TNIK: variants seen among roughly 807,000 people sequenced by gnomAD.
TNIK encodes the protein TRAF2 and NCK interacting kinase, also known as TRAF2 and NCK-interacting protein kinase.
A neutral mutation model predicts 191.3 loss-of-function variants in TNIK; 49 were observed. The ratio of observed to expected loss-of-function variants is 0.26; its 90% CI spans 0.20 to 0.32. TNIK has a LOEUF of 0.32. Among genes scored for constraint, TNIK ranks in the 10% least tolerant of loss-of-function variants. TNIK has a pLI of 1.00. For missense variants in TNIK, 1,155 were observed against 1,702.3 expected, an observed-to-expected ratio of 0.68 and a Z score of 5.66; for synonymous variants, 594 against 600.9, an observed-to-expected ratio of 0.99 and a Z score of 0.17.
At chr3:171,173,321 G>A (rs1212831531) in intron 9 of TNIK, among the ~76,000 whole-genome samples, 5 of 151,496 alleles carry the variant, frequency 3.3e-5, no homozygotes, top group African/African-American at 4.8e-5. Context: ...GCGTGAACCC[G>A]GGAGGCAGAG....
intron 17 of TNIK, 134 bp downstream of exon 17, chr3:171,125,778 G>A: frequency 2.2e-6 from 3 of 1,345,674 alleles, no homozygotes; most frequent in Non-Finnish European, 3.0e-6. Context: ...AATGAAGAGG[G>A]ACCAAAACAA....
chr3:171,221,241 A>T lies in TNIK; in HGVS notation c.180+6924T>A, dbSNP rs564237615. ...TCAGACTGTTCTGTCTGCTAAAGACATCTACATAAATGGCTCCAAAGTAAA... is the reference window on the plus strand; with the variant it reads ...TCAGACTGTTCTGTCTGCTAAAGACTTCTACATAAATGGCTCCAAAGTAAA... On this transcript the variant is annotated intron_variant, in intron 3 of 32. Coordinates refer to ENST00000436636, the MANE Select transcript of TNIK (RefSeq NM_015028.4). 1.1e-3 allele frequency among the ~76,000 whole-genome samples: 168 copies of T among 152,208 alleles called. 2 individuals carry two copies. Among genetic ancestry groups the T allele is most frequent in the Non-Finnish European group, 1.9e-3 (132 of 68,034 alleles).
At chr3:171,370,414 A>T (rs1157889321) in intron 1 of TNIK, among the ~76,000 whole-genome samples, 1 of 152,216 alleles carries the variant, frequency 6.6e-6, no homozygotes, top group Non-Finnish European at 1.5e-5. Flanking sequence ...CGTTCAATAA[A>T]TATCCAAAAT....
intron 1 of TNIK, among the ~76,000 whole-genome samples, chr3:171,387,552 C>G (rs910771799): frequency 6.6e-6 from 1 of 152,112 alleles, no homozygotes; most frequent in African/African-American, 2.4e-5. Flanking sequence ...TCACTATACT[C>G]AAATGCTTTT....
intron 12 of TNIK, among the ~76,000 whole-genome samples, chr3:171,151,376 A>G (rs1278703292): frequency 6.6e-6 from 1 of 152,268 alleles, no homozygotes; most frequent in Non-Finnish European, 1.5e-5. Flanking sequence ...AATAAATCCA[A>G]AAAGGTTTTA....
chr3:171,459,926 G>GCCCCCCC, intron 1 of TNIK, 81 bp downstream of exon 1: 1 of 590,416 alleles, frequency 1.7e-6, no homozygotes, highest in Non-Finnish European at 3.1e-6. Flanking sequence ...CCCTGCCCCA[G>GCCCCCCC]CCCCAGCCCC....
At chr3:171,390,905 G>A (rs1719419415) in intron 1 of TNIK, among the ~76,000 whole-genome samples, 1 of 152,158 alleles carries the variant, frequency 6.6e-6, no homozygotes, top group Admixed American at 6.6e-5. Context: ...TTATAGGAAA[G>A]GGAGCCCAAA....
At chr3:171,208,716 C>A (rs1470699481) in intron 4 of TNIK, among the ~76,000 whole-genome samples, 4 of 152,032 alleles carry the variant, frequency 2.6e-5, no homozygotes, top group African/African-American at 9.7e-5. Context: ...CACCACCATG[C>A]CCACCTAATT....
intron 3 of TNIK, among the ~76,000 whole-genome samples, chr3:171,214,496 C>T (rs972866571): frequency 6.6e-6 from 1 of 152,234 alleles, no homozygotes; most frequent in Non-Finnish European, 1.5e-5. Flanking sequence ...TAAAGGATCA[C>T]AGGCTACGAG....
intron 2 of TNIK, among the ~76,000 whole-genome samples, chr3:171,309,514 T>C (rs1479860718): frequency 1.3e-5 from 2 of 152,106 alleles, no homozygotes; most frequent in African/African-American, 4.8e-5. Flanking sequence ...ATGCAATTTA[T>C]CTGTAGAACA....
chr3:171,225,579 A>G, intron 3 of TNIK: 1 of 456,600 alleles, frequency 2.2e-6, no homozygotes, highest in Non-Finnish European at 4.4e-6. Context: ...CTCTCAAATC[A>G]TCTTCTGTAG....
At position 171,085,191 on chromosome 3, in the gene TNIK, G is replaced by A; in HGVS notation, c.2925C>T (p.Pro975=). 1 of 1,611,628 alleles carries A rather than the reference G, an allele frequency of 6.2e-7. No homozygotes were observed. The highest frequency in any genetic ancestry group is 8.5e-7 in the Non-Finnish European group (1 of 1,178,876). The change falls in exon 25 of 33, where the codon CCC becomes CCT. Residue 975 remains proline (P), a synonymous_variant. Transcript: ENST00000436636. ...MGSSTKASFT[P]FVDPRVYQTS... ...TCTGGTATACTCTGGGGTCCACAAA[G>A]GGGGTGAAGGAGGCTTTGGTGCTGC...
intron 26 of TNIK, among the ~76,000 whole-genome samples, chr3:171,083,140 A>AAC (rs139764675): frequency 6.6e-6 from 1 of 151,986 alleles, no homozygotes; most frequent in Non-Finnish European, 1.5e-5. Context: ...TCCACCCCTC[A>AAC]ACACACACAC....
intron 2 of TNIK, among the ~76,000 whole-genome samples, chr3:171,239,691 T>C (rs561000821): frequency 6.6e-6 from 1 of 152,354 alleles, no homozygotes; most frequent in South Asian, 2.1e-4. Flanking sequence ...GACCTGCATA[T>C]TACAAAAAGG....
chr3:171,305,939 A>G (rs569414998), intron 2 of TNIK, among the ~76,000 whole-genome samples: 1 of 152,344 alleles, frequency 6.6e-6, no homozygotes, highest in East Asian at 1.9e-4. Context: ...AGCAGTATTC[A>G]CAATAGCAAA....
intron 9 of TNIK, among the ~76,000 whole-genome samples, chr3:171,171,807 A>C (rs1415427165): frequency 5.3e-5 from 8 of 152,184 alleles, no homozygotes; most frequent in Admixed American, 1.3e-4. Flanking sequence ...CACGCACAAG[A>C]GACAGGAAGA....
intron 6 of TNIK, 140 bp downstream of exon 6, chr3:171,190,557 G>T (rs1737926390): frequency 1.6e-6 from 1 of 611,394 alleles, no homozygotes. Flanking sequence ...TTTAAAATAG[G>T]CAAAGAAACA....
rs1713957170 is a variant in TNIK, at chr3:171,355,789, A to G, written c.123+13831T>C. On this transcript the variant is annotated intron_variant, in intron 2 of 32. Transcript: ENST00000436636. ...TTCCTAACTTGCAGTCATGCAAATT[A>G]TCCAAGAGATTACATCTCGGTATTG... is the stretch of plus-strand genomic sequence containing the variant. 2.0e-5 allele frequency among the ~76,000 whole-genome samples: 3 copies of G among 152,224 alleles called. No homozygotes were observed. The South Asian group carries it at 6.2e-4, about 31-fold the overall frequency.
intron 28 of TNIK, among the ~76,000 whole-genome samples, chr3:171,075,031 C>T (rs374018924): frequency 5.9e-5 from 9 of 152,208 alleles, no homozygotes; most frequent in African/African-American, 2.2e-4. Flanking sequence ...GAAGGGCCAA[C>T]AGTAGATGTG....
Sources: allele counts gnomAD v4.1 joint callset (sites outside exome capture counted in the v4.1 genomes callset), GRCh38; gene constraint gnomAD v4.1.1; transcripts MANE v1.5; gene names NCBI Gene and HGNC (gene_info 2026-07-23, HGNC 2026-07-21).